MYOZ1: variants seen among roughly 807,000 people sequenced by gnomAD.
The protein encoded by MYOZ1 is myozenin-1.
A neutral mutation model predicts 28.7 loss-of-function variants in MYOZ1; 20 were observed. The ratio of observed to expected loss-of-function variants is 0.70; its 90% confidence interval spans 0.49 to 1.01. MYOZ1 has a LOEUF of 1.01. MYOZ1 is among the 50% of genes least tolerant of loss of function. The probability of loss-of-function intolerance (pLI) is 0.00; values close to 1 mark genes in which losing one functional copy is unlikely to be tolerated. For synonymous variants in MYOZ1, 144 were observed against 145.8 expected (o/e 0.99, Z 0.09); for missense variants, 371 against 372.4 (o/e 1.00, Z 0.03).
intron 5 of MYOZ1, 108 bp from the exon 6 acceptor site, chr10:73,632,269 G>C: frequency 9.7e-7 from 1 of 1,029,870 alleles, no homozygotes. Flanking sequence ...ATTCTAGTTT[G>C]GGATTGCATC....
In MYOZ1 at chr10:73,633,937, C is replaced by T. The variant is rs1288597356; in HGVS notation, c.631G>A (p.Ala211Thr). ...TTATATTTGGGAAGTTCAGCTTTGG[C>T]CCCATAGGCCAGCAGGTCAATGCCA... is the stretch of plus-strand genomic sequence containing the variant. ...ELGIDLLAYG[A>T]KAELPKYKSF... is the part of the protein sequence containing the mutation. Residue 211 changes from alanine to threonine, a missense_variant, in exon 5 of 6, where the codon GCC becomes ACC. Coordinates refer to ENST00000359322, the MANE Select transcript of MYOZ1 (RefSeq NM_021245.4). 1 of 1,613,320 alleles carries T rather than the reference C, an allele frequency of 6.2e-7. No homozygotes were observed.
rs139515548 is a variant in MYOZ1 at position 73,637,759 on chromosome 10, G to T, written c.237C>A (p.Phe79Leu). ...CCAGACTCACCATTGAGCTGTCAGA[G>T]AAAACATCAGGGTGGTTCTCATAAA... ...KFIYENHPDV[F>L]SDSSMDHFQK... Residue 79 changes from phenylalanine (F) to leucine (L), a missense_variant, in exon 3 of 6, where the codon TTC becomes TTA. Transcript: ENST00000359322. The T allele has an allele frequency of 3.7e-6, 6 of 1,613,228 alleles. No individual in the cohort carries two copies. The highest frequency in any genetic ancestry group is 5.1e-6 in the Non-Finnish European group (6 of 1,179,724).
chr10:73,637,698 A>G, intron 3 of MYOZ1, 46 bp downstream of exon 3: 1 of 1,551,592 alleles, frequency 6.4e-7, no homozygotes, highest in Non-Finnish European at 8.7e-7. Flanking sequence ...ACAAGCTGTC[A>G]GAACAGGCAC....
rs2081636811 is a variant in MYOZ1, at chr10:73,631,869, C to T, written c.*61G>A. ...TTAACAATGGGGGCTATCTGCTCAGCATTCCCTCTCCAAATTGGAGCCAGA... is the reference window on the plus strand; with the variant it reads ...TTAACAATGGGGGCTATCTGCTCAGTATTCCCTCTCCAAATTGGAGCCAGA... On this transcript the variant is annotated 3_prime_UTR_variant, in exon 6 of 6. Transcript: ENST00000359322. 7.0e-7 allele frequency: 1 copy of T among 1,420,506 alleles called. No homozygotes were observed. Among genetic ancestry groups the T allele is most frequent in the African/African-American group, 1.4e-5 (1 of 71,036 alleles). The allele number at this position is 1,420,506 out of a possible 1,614,324, so 88.0% of individuals were successfully genotyped here.
chr10:73,636,799 GACTT>G (rs1379970483), intron 3 of MYOZ1, among the ~76,000 whole-genome samples: 1 of 151,856 alleles, frequency 6.6e-6, no homozygotes, highest in Non-Finnish European at 1.5e-5. Flanking sequence ...TATTGCTTGG[GACTT>G]ACTTATACTA....
At chr10:73,638,757 CCT>C (rs2081685100) in intron 2 of MYOZ1, among the ~76,000 whole-genome samples, 2 of 151,656 alleles carry the variant, frequency 1.3e-5, no homozygotes, top group Non-Finnish European at 2.9e-5. Flanking sequence ...ACCTCCATCT[CCT>C]GGGTTCAAGT....
In MYOZ1 at chr10:73,634,037, A is replaced by G; in HGVS notation, c.531T>C (p.His177=). The change falls in exon 5 of 6, where the codon CAT becomes CAC. Residue 177 remains histidine, a synonymous_variant. Transcript: ENST00000359322. ...AAATATAGGTCTTGAACACAGTGATATGTTTTCCTTCTCCGCCTGCCTGGT... is the reference window on the plus strand; with the variant it reads ...AAATATAGGTCTTGAACACAGTGATGTGTTTTCCTTCTCCGCCTGCCTGGT... The part of the protein sequence containing the change: ...SGDQAGGEGK[H]ITVFKTYISP... 6.2e-7 allele frequency: 1 copy of G among 1,613,912 alleles called. No homozygotes were observed. Among genetic ancestry groups the G allele is most frequent in the Non-Finnish European group, 8.5e-7 (1 of 1,179,960 alleles).
rs2081636218 is a variant in MYOZ1 at position 73,631,765 on chromosome 10, T to C, written c.*165A>G. ...GGAGCTCTGAGTTGGTGAGGAAGGA[T>C]GCGTGGAGTGGGGACTTGGAGTAAA... On this transcript the variant is annotated 3_prime_UTR_variant, in exon 6 of 6. Coordinates refer to ENST00000359322, the MANE Select transcript of MYOZ1 (RefSeq NM_021245.4). The C allele has an allele frequency of 4.8e-6, 3 of 626,628 alleles. No homozygotes were observed. The South Asian group carries it at 5.9e-5, about 12-fold the overall frequency. 38.8% of individuals were successfully genotyped at this position (626,628 alleles called of 1,614,324 possible). A position where few individuals can be genotyped will look rare whatever the true frequency, so the allele number is the denominator to read the frequency against.
At chr10:73,633,782 C>T (rs2081650039) in intron 5 of MYOZ1, 118 bp downstream of exon 5, 1 of 1,113,538 alleles carries the variant, frequency 9.0e-7, no homozygotes, top group South Asian at 1.7e-5. Context: ...TTAGGACCCC[C>T]ATATCCCTGC....
At position 73,640,042 on chromosome 10, in the gene MYOZ1, A is replaced by G. The variant is rs1281412136; in HGVS notation, c.-18-7T>C. 1 of 1,611,220 alleles carries G rather than the reference A, an allele frequency of 6.2e-7. No homozygotes were observed. Among genetic ancestry groups the G allele is most frequent in the African/African-American group, 1.3e-5 (1 of 74,854 alleles). On this transcript the variant is annotated splice_polypyrimidine_tract_variant and splice_region_variant and intron_variant, in intron 1 of 5. Transcript: ENST00000359322. ...TTGTGGAGGTGGATTCAGCCTGGAC[A>G]GGGTGGGAAGGAGGAGTTGGTGGAT...
chr10:73,637,014 C>T (rs113287402), intron 3 of MYOZ1, among the ~76,000 whole-genome samples: 29,492 of 132,202 alleles, frequency 0.22, 4,969 homozygotes, highest in African/African-American at 0.46. Context: ...TTTTTTCTTT[C>T]TTTTTTTTTT....
At chr10:73,635,292 G>A (rs2081661020) in intron 3 of MYOZ1, among the ~76,000 whole-genome samples, 2 of 151,912 alleles carry the variant, frequency 1.3e-5, no homozygotes, top group South Asian at 2.1e-4. Context: ...TAGGGTAAGG[G>A]CAGCGTGTTC....
intron 4 of MYOZ1, 149 bp from the exon 5 acceptor site, chr10:73,634,214 G>T: frequency 9.2e-7 from 1 of 1,085,786 alleles, no homozygotes; most frequent in Non-Finnish European, 1.3e-6. Flanking sequence ...GTGGCATAAT[G>T]ATAGTCTGTG....
chr10:73,634,831 A>C, intron 3 of MYOZ1, 98 bp from the exon 4 acceptor site: 1 of 1,433,394 alleles, frequency 7.0e-7, no homozygotes, highest in Non-Finnish European at 9.4e-7. Flanking sequence ...GTGGCTAACC[A>C]GAAGACCCTG....
Position 73,639,401 on chromosome 10 carries a change from C to T in MYOZ1, c.73+544G>A, listed in dbSNP as rs142081135. ...CCTCCCAAAGTTCTGGGATTACAGG[C>T]GTGAGCCACTGCACCTGGCCCAGAC... On this transcript the variant is annotated intron_variant, in intron 2 of 5. Coordinates refer to ENST00000359322, the MANE Select transcript of MYOZ1 (RefSeq NM_021245.4). Among the ~76,000 whole-genome samples the T allele has an allele frequency of 1.1e-4, 17 of 152,318 alleles. No homozygotes were observed. The East Asian group carries it at 3.1e-3, about 28-fold the overall frequency.
chr10:73,634,135 C>G (rs2081652758), intron 4 of MYOZ1, 70 bp from the exon 5 acceptor site: 1 of 1,553,930 alleles, frequency 6.4e-7, no homozygotes, highest in Admixed American at 1.9e-5. Context: ...TAATCCCACG[C>G]CCCTACACTA....
intron 3 of MYOZ1, among the ~76,000 whole-genome samples, chr10:73,637,163 C>T (rs562109491): frequency 6.6e-6 from 1 of 151,768 alleles, no homozygotes; most frequent in South Asian, 2.1e-4. Context: ...CAGGAACCCA[C>T]GACCACGCCC....
intron 2 of MYOZ1, 50 bp from the exon 3 acceptor site, chr10:73,637,972 T>C (rs1455605293): frequency 1.0e-5 from 16 of 1,562,630 alleles, no homozygotes; most frequent in Non-Finnish European, 1.4e-5. Flanking sequence ...AAAGTAGGGT[T>C]TTCTGGGCTC....
chr10:73,638,668 T>TTATGTATTTATG (rs1554958192), intron 2 of MYOZ1, among the ~76,000 whole-genome samples: 6 of 147,434 alleles, frequency 4.1e-5, no homozygotes, highest in East Asian at 4.0e-4. Context: ...ATTTATTTAT[T>TTATGTATTTATG]TATTTATTTA....
Sources: gnomAD v4.1 joint callset for allele counts (sites outside exome capture counted in the v4.1 genomes callset) on GRCh38, gnomAD v4.1.1 for gene constraint, MANE v1.5 for transcripts, NCBI Gene and HGNC (gene_info 2026-07-23, HGNC 2026-07-21) for gene names.